Variants in ACYP2 observed in about 807,000 individuals in gnomAD.
ACYP2 encodes acylphosphatase 2.
A neutral mutation model predicts 11.2 loss-of-function variants in ACYP2; 12 were observed. That is an observed-to-expected ratio of 1.08 (90% confidence interval 0.69 to 1.74). The LOEUF (loss-of-function observed/expected upper bound fraction) is 1.74, where lower values mean the gene tolerates loss of function less well. ACYP2 is among the 40% of genes most tolerant of loss of function. The pLI is 0.00. For synonymous variants in ACYP2, 43 were observed against 32.2 expected (o/e 1.33, Z -1.13); for missense variants, 134 against 101.9 (o/e 1.31, Z -1.35).
In ACYP2 at chr2:54,197,942, A is replaced by ATTG. The variant is rs1354658076; in HGVS notation, c.404+59195_404+59196insTGT. ...ATTTTATTTTATTTATGTATGTATT[A>ATTG]TATTGTATTGTATTGTATTGTATTG... On this transcript the variant is annotated intron_variant, in intron 6 of 6. Transcript: ENST00000607452. 1.4e-3 allele frequency among the ~76,000 whole-genome samples: 94 copies of ATTG among 69,584 alleles called. 1 individual carries two copies. Among genetic ancestry groups the ATTG allele is most frequent in the East Asian group, 4.9e-3 (10 of 2,044 alleles). 45.6% of individuals were successfully genotyped at this position (69,584 alleles called of 152,430 possible).
intron 4 of ACYP2, among the ~76,000 whole-genome samples, chr2:54,130,921 A>G (rs976467820): frequency 7.9e-5 from 12 of 152,184 alleles, no homozygotes; most frequent in Admixed American, 7.2e-4. Context: ...AAAATCACCC[A>G]AGAGTGATTG....
At chr2:54,262,310 A>AT (rs1344684190) in intron 6 of ACYP2, among the ~76,000 whole-genome samples, 18 of 152,262 alleles carry the variant, frequency 1.2e-4, no homozygotes, top group Non-Finnish European at 2.6e-4. Flanking sequence ...ACCAGTATTT[A>AT]TACCAGACTC....
At chr2:53,982,828 CTG>C (rs3066946) in intron 2 of ACYP2, among the ~76,000 whole-genome samples, 16,256 of 140,412 alleles carry the variant, frequency 0.12, 1,054 homozygotes, top group East Asian at 0.29. Flanking sequence ...TCACACAAGA[CTG>C]TGTGTGTGTG....
At chr2:53,995,488 T>TTTTATTTATTTATTTTTTATTTA (rs1672531229) in intron 2 of ACYP2, among the ~76,000 whole-genome samples, 1 of 145,070 alleles carries the variant, frequency 6.9e-6, no homozygotes, top group African/African-American at 2.5e-5. Flanking sequence ...TTTATTTATT[T>TTTTATTTATTTATTTTTTATTTA]TTTATTTATT....
intron 6 of ACYP2, chr2:54,254,961 C>T: frequency 6.2e-7 from 1 of 1,613,722 alleles, no homozygotes; most frequent in Non-Finnish European, 8.5e-7. Flanking sequence ...TCTCCACTGG[C>T]TCCCTTACCA....
At chr2:54,256,708 C>A (rs79922288) in intron 6 of ACYP2, among the ~76,000 whole-genome samples, 1,722 of 152,366 alleles carry the variant, frequency 0.011, 31 homozygotes, top group African/African-American at 0.04. Flanking sequence ...ATGGCATGAT[C>A]TCAGCTCACT....
At chr2:53,975,158 G>A in intron 2 of ACYP2, 1 of 391,020 alleles carries the variant, frequency 2.6e-6, no homozygotes, top group Non-Finnish European at 4.5e-6. Context: ...CCGGGAGGCA[G>A]AGGTTGCAGT....
chr2:54,242,742 C>CA (rs148469272), intron 6 of ACYP2, among the ~76,000 whole-genome samples: 1,808 of 152,318 alleles, frequency 0.012, 26 homozygotes, highest in African/African-American at 0.042. Context: ...GTCTAGGCGA[C>CA]AGCCTAGGTT....
chr2:54,272,348 G>A (rs531932575), intron 6 of ACYP2, among the ~76,000 whole-genome samples: 12 of 152,306 alleles, frequency 7.9e-5, no homozygotes, highest in Middle Eastern at 3.4e-3. Context: ...CATTGACCAT[G>A]AACTTTGGCC....
chr2:54,018,940 G>T (rs924950413), intron 2 of ACYP2, among the ~76,000 whole-genome samples: 4 of 151,926 alleles, frequency 2.6e-5, no homozygotes, highest in African/African-American at 9.7e-5. Flanking sequence ...AAGAGATGGG[G>T]TTTCACTAAG....
intron 2 of ACYP2, among the ~76,000 whole-genome samples, chr2:54,019,413 G>A (rs960218293): frequency 3.3e-5 from 5 of 151,440 alleles, no homozygotes; most frequent in African/African-American, 9.7e-5. Context: ...GTCTCACTCT[G>A]TCACTTAGGC....
intron 6 of ACYP2, among the ~76,000 whole-genome samples, chr2:54,189,564 A>G (rs1684149480): frequency 6.7e-6 from 1 of 148,630 alleles, no homozygotes; most frequent in African/African-American, 2.5e-5. Flanking sequence ...CTATAATTCT[A>G]TTATATTTAA....
intron 4 of ACYP2, among the ~76,000 whole-genome samples, chr2:54,108,488 G>C (rs1429867059): frequency 6.6e-6 from 1 of 152,174 alleles, no homozygotes; most frequent in Admixed American, 6.5e-5. Context: ...AAGAAATCAG[G>C]ACGAATCTCT....
At chr2:54,163,572 C>T (rs901163971) in intron 6 of ACYP2, among the ~76,000 whole-genome samples, 8 of 152,076 alleles carry the variant, frequency 5.3e-5, no homozygotes, top group African/African-American at 9.7e-5. Flanking sequence ...TGTTTGTTAT[C>T]GGCTGGGGGC....
intron 6 of ACYP2, among the ~76,000 whole-genome samples, chr2:54,199,014 G>A (rs1684637898): frequency 6.6e-6 from 1 of 152,176 alleles, no homozygotes; most frequent in Admixed American, 6.5e-5. Context: ...CAGCATGGGT[G>A]CTAGGTTAAC....
intron 4 of ACYP2, among the ~76,000 whole-genome samples, chr2:54,079,588 A>G (rs1677534539): frequency 6.6e-6 from 1 of 152,240 alleles, no homozygotes; most frequent in African/African-American, 2.4e-5. Context: ...TGATGCTGAC[A>G]TCACAGATTT....
intron 2 of ACYP2, among the ~76,000 whole-genome samples, chr2:54,033,909 G>A (rs1674729212): frequency 6.6e-6 from 1 of 152,188 alleles, no homozygotes; most frequent in African/African-American, 2.4e-5. Context: ...ATGCTGTCAA[G>A]ACCAAATGAA....
intron 6 of ACYP2, among the ~76,000 whole-genome samples, chr2:54,164,873 C>T (rs533028741): frequency 3.9e-5 from 6 of 152,108 alleles, no homozygotes; most frequent in South Asian, 2.1e-4. Context: ...CCCTCACCCC[C>T]GTGACAGGCC....
intron 6 of ACYP2, among the ~76,000 whole-genome samples, chr2:54,286,655 CTGAT>C (rs1689091385): frequency 6.6e-6 from 1 of 152,012 alleles, no homozygotes; most frequent in South Asian, 2.1e-4. Flanking sequence ...TATAATTGTA[CTGAT>C]TAAGGATTTA....
Sources: allele counts gnomAD v4.1 joint callset (sites outside exome capture counted in the v4.1 genomes callset), GRCh38; gene constraint gnomAD v4.1.1; transcripts MANE v1.5; gene names NCBI Gene and HGNC (gene_info 2026-07-23, HGNC 2026-07-21).